The following SLC26A7 variants were observed in gnomAD, a reference collection of about 807,000 sequenced individuals.
SLC26A7 encodes anion exchange transporter.
SLC26A7 carries 59 observed loss-of-function variants against 82.5 expected under a neutral mutation model. The ratio of observed to expected loss-of-function variants is 0.72; its 90% CI spans 0.58 to 0.89. The LOEUF (loss-of-function observed/expected upper bound fraction) is 0.89. Ranked by LOEUF, SLC26A7 falls within the 40% of genes least tolerant of loss-of-function variation. SLC26A7 has a pLI of 0.00. For missense variants in SLC26A7, 820 were observed against 793.0 expected (o/e 1.03, Z -0.41); for synonymous variants, 271 against 274.3 (o/e 0.99, Z 0.12).
At chr8:91,312,255 G>C (rs752877109) in intron 4 of SLC26A7, among the ~76,000 whole-genome samples, 1 of 152,026 alleles carries the variant, frequency 6.6e-6, no homozygotes, top group Non-Finnish European at 1.5e-5. Context: ...TGTCCTCAAG[G>C]CTCATCCATG....
Position 91,299,670 on chromosome 8 carries a change from A to C in SLC26A7, c.477+3967A>C, listed in dbSNP as rs180771857. Among the ~76,000 whole-genome samples the C allele has an allele frequency of 2.4e-3, 372 of 152,086 alleles. 2 individuals are homozygous for C. Among genetic ancestry groups the C allele is most frequent in the African/African-American group, 8.3e-3 (344 of 41,500 alleles). Reference sequence around the variant, plus strand: ...TTAACTCTATTCTTGTGACTGTAGCACCCTGTTTTATGGAGACTTTATAGA... The same window carrying C: ...TTAACTCTATTCTTGTGACTGTAGCCCCCTGTTTTATGGAGACTTTATAGA... On this transcript the variant is annotated intron_variant, in intron 4 of 18. Transcript: ENST00000276609.
At chr8:91,331,279 T>C (rs1327582932) in intron 5 of SLC26A7, among the ~76,000 whole-genome samples, 1 of 152,158 alleles carries the variant, frequency 6.6e-6, no homozygotes, top group Admixed American at 6.6e-5. Flanking sequence ...AACTTTTCTT[T>C]TCCGACTTAG....
chr8:91,230,086 C>T (rs1367772514), intron 2 of SLC26A7, among the ~76,000 whole-genome samples: 1 of 151,822 alleles, frequency 6.6e-6, no homozygotes, highest in African/African-American at 2.4e-5. Context: ...GCTTTTTTTT[C>T]ACTTAGTATA....
At chr8:91,278,087 A>G (rs7007188) in intron 2 of SLC26A7, among the ~76,000 whole-genome samples, 29,869 of 152,028 alleles carry the variant, frequency 0.2, 3,714 homozygotes, top group African/African-American at 0.34. Flanking sequence ...CAGGGGGAGG[A>G]GGGAAGTGGA....
rs34226630 is a variant in SLC26A7 at position 91,369,369 on chromosome 8, GTT to G, written c.1627-404_1627-403del. On this transcript the variant is annotated intron_variant, in intron 14 of 18. Coordinates refer to ENST00000276609, the MANE Select transcript of SLC26A7 (RefSeq NM_052832.4). ...AAGATTAACTGTAGGATACAGAGCT[GTT>G]TTTTTTTTTTTAATCCAGCATTTTC... 2.6e-3 allele frequency among the ~76,000 whole-genome samples: 379 copies of G among 147,308 alleles called. No homozygotes were observed. The East Asian group carries it at 0.028, about 11-fold the overall frequency.
At position 91,241,385 on chromosome 8, in the gene SLC26A7, C is replaced by G. The variant is rs182874473; in HGVS notation, c.-33-8234C>G. Among the ~76,000 whole-genome samples the G allele has an allele frequency of 6.6e-4, 100 of 152,154 alleles. 1 individual carries two copies. The highest frequency in any genetic ancestry group is 2.3e-3 in the African/African-American group (94 of 41,534). ...ACAGTGTGATTATGGAACATATTTT[C>G]TTTATCTTTTAAAACACTTTTCTAT... On this transcript the variant is annotated intron_variant, in intron 2 of 5. Transcript: ENST00000522862.
chr8:91,286,172 CT>C (rs1811704733), intron 2 of SLC26A7, among the ~76,000 whole-genome samples: 1 of 152,044 alleles, frequency 6.6e-6, no homozygotes, highest in Admixed American at 6.6e-5. Flanking sequence ...GGCACTGTGC[CT>C]AGGGAAGCCA....
intron 2 of SLC26A7, among the ~76,000 whole-genome samples, chr8:91,261,430 G>A (rs1385495587): frequency 6.6e-6 from 1 of 152,044 alleles, no homozygotes; most frequent in Non-Finnish European, 1.5e-5. Flanking sequence ...AAAGTTTGTG[G>A]AGTATTGGTT....
At chr8:91,315,810 G>A (rs934268018) in intron 4 of SLC26A7, among the ~76,000 whole-genome samples, 1 of 152,088 alleles carries the variant, frequency 6.6e-6, no homozygotes, top group African/African-American at 2.4e-5. Flanking sequence ...GTAAATATGT[G>A]TGACACCCCC....
intron 2 of SLC26A7, among the ~76,000 whole-genome samples, chr8:91,237,520 C>G (rs2130681326): frequency 6.6e-6 from 1 of 152,276 alleles, no homozygotes; most frequent in Non-Finnish European, 1.5e-5. Flanking sequence ...TTAAAGGATG[C>G]TCCTGTAATC....
At chr8:91,236,697 G>A (rs1190237895) in intron 2 of SLC26A7, among the ~76,000 whole-genome samples, 1 of 151,924 alleles carries the variant, frequency 6.6e-6, no homozygotes, top group Non-Finnish European at 1.5e-5. Flanking sequence ...AGTTATACAG[G>A]AAGCACTATT....
At chr8:91,329,098 G>T (rs1378213736) in intron 5 of SLC26A7, among the ~76,000 whole-genome samples, 1 of 152,086 alleles carries the variant, frequency 6.6e-6, no homozygotes, top group Non-Finnish European at 1.5e-5. Flanking sequence ...AGAAAATGCT[G>T]ATCCTCAATA....
intron 5 of SLC26A7, among the ~76,000 whole-genome samples, chr8:91,323,136 T>G (rs1812837910): frequency 6.6e-6 from 1 of 152,152 alleles, no homozygotes; most frequent in African/African-American, 2.4e-5. Context: ...AAGCTCACAG[T>G]TTCTCTGCAG....
At chr8:91,300,662 G>C (rs575080473) in intron 4 of SLC26A7, among the ~76,000 whole-genome samples, 56 of 152,322 alleles carry the variant, frequency 3.7e-4, no homozygotes, top group African/African-American at 1.3e-3. Flanking sequence ...CTCCCAAAGT[G>C]CTGGGATTAC....
At chr8:91,310,771 C>T (rs1439234251) in intron 4 of SLC26A7, among the ~76,000 whole-genome samples, 1 of 152,110 alleles carries the variant, frequency 6.6e-6, no homozygotes, top group Non-Finnish European at 1.5e-5. Flanking sequence ...AGTGTGCATG[C>T]AGACAGCCCA....
intron 2 of SLC26A7, among the ~76,000 whole-genome samples, chr8:91,255,253 G>C (rs1240733397): frequency 6.6e-6 from 1 of 152,064 alleles, no homozygotes; most frequent in African/African-American, 2.4e-5. Context: ...AAGGTTTTGG[G>C]CTGCAAACAA....
chr8:91,212,417 A>C (rs1809946367), intron 1 of SLC26A7, among the ~76,000 whole-genome samples: 1 of 152,150 alleles, frequency 6.6e-6, no homozygotes, highest in Admixed American at 6.5e-5. Flanking sequence ...CCCTGTATTA[A>C]ATGATGTAAT....
At chr8:91,379,250 A>T (rs542103068) in intron 15 of SLC26A7, among the ~76,000 whole-genome samples, 12 of 152,218 alleles carry the variant, frequency 7.9e-5, no homozygotes, top group Admixed American at 7.8e-4. Context: ...TCTAAAACTG[A>T]TTTATAGATT....
chr8:91,238,554 C>CAT (rs949796044), intron 2 of SLC26A7, among the ~76,000 whole-genome samples: 14 of 148,320 alleles, frequency 9.4e-5, no homozygotes, highest in South Asian at 2.1e-4. Context: ...TTTATATATA[C>CAT]ATATATATAT....
Sources: allele counts gnomAD v4.1 joint callset (sites outside exome capture counted in the v4.1 genomes callset), GRCh38; gene constraint gnomAD v4.1.1; transcripts MANE v1.5; gene names NCBI Gene and HGNC (gene_info 2026-07-23, HGNC 2026-07-21).